Variants in USP54 observed in about 807,000 individuals in gnomAD.
USP54 encodes the protein ubiquitin carboxyl-terminal hydrolase 54.
Under a neutral mutation model 170.5 loss-of-function variants are expected in USP54, and 87 were observed. The ratio of observed to expected loss-of-function variants is 0.51; its 90% CI spans 0.43 to 0.61. The LOEUF (loss-of-function observed/expected upper bound fraction) is 0.61. USP54 is among the 20% of genes least tolerant of loss of function. The pLI, the probability that USP54 is intolerant of heterozygous loss-of-function variation, is 0.00. For synonymous variants in USP54, 655 were observed against 742.8 expected, an observed-to-expected ratio of 0.88 and a Z score of 1.92; for missense variants, 1,786 against 2,047.8, an observed-to-expected ratio of 0.87 and a Z score of 2.47.
At chr10:73,603,477 G>A (rs1459709188) in intron 1 of USP54, among the ~76,000 whole-genome samples, 1 of 152,152 alleles carries the variant, frequency 6.6e-6, no homozygotes, top group East Asian at 1.9e-4. Flanking sequence ...CACTTTGGGT[G>A]GCCAAGGCGG....
In USP54 at chr10:73,517,150, T is replaced by C. The variant is rs2061198407; in HGVS notation, c.3276A>G (p.Lys1092=). The change falls in exon 20 of 24, where the codon AAA becomes AAG. Residue 1092 remains lysine (K), a synonymous_variant. Coordinates refer to ENST00000687698, the MANE Select transcript of USP54 (RefSeq NM_001391956.1). ...FVLHCPDPVQ[K]TNQCLQGQSL... is the part of the protein sequence containing the mutation. The stretch of plus-strand genomic sequence containing the variant: ...TTTGGCCTTGGAGGCATTGGTTAGT[T>C]TTCTGCACAGGATCAGGACAGTGAA... 2 of 1,614,156 alleles carry C rather than the reference T, an allele frequency of 1.2e-6. No homozygotes were observed. Among genetic ancestry groups the C allele is most frequent in the East Asian group, 2.2e-5 (1 of 44,878 alleles).
At chr10:73,615,632 A>C (rs113786108) in intron 1 of USP54, among the ~76,000 whole-genome samples, 2 of 150,412 alleles carry the variant, frequency 1.3e-5, no homozygotes, top group African/African-American at 5.0e-5. Context: ...TATTTTTTTA[A>C]AAATAAAGCT....
At chr10:73,512,555 T>G (rs1264768523) in intron 20 of USP54, among the ~76,000 whole-genome samples, 1 of 152,132 alleles carries the variant, frequency 6.6e-6, no homozygotes, top group African/African-American at 2.4e-5. Context: ...TTGCCCAGGC[T>G]GGAGGAGAGT....
At chr10:73,541,882 T>C (rs150558705) in intron 7 of USP54, 144 bp from the exon 8 acceptor site, 7 of 707,632 alleles carry the variant, frequency 9.9e-6, no homozygotes, top group Non-Finnish European at 1.7e-5. Flanking sequence ...CAGTGTCCCA[T>C]AAACACAGTA....
At chr10:73,559,136 T>C (rs1359446461) in intron 4 of USP54, among the ~76,000 whole-genome samples, 1 of 152,160 alleles carries the variant, frequency 6.6e-6, no homozygotes, top group South Asian at 2.1e-4. Context: ...ACAAGAATTT[T>C]ACAACCAGGC....
intron 7 of USP54, among the ~76,000 whole-genome samples, 178 bp downstream of exon 7, chr10:73,542,625 G>C (rs1173248920): frequency 6.6e-6 from 1 of 152,086 alleles, no homozygotes; most frequent in Non-Finnish European, 1.5e-5. Flanking sequence ...CAGCTACTTG[G>C]GAGATGGAGG....
At position 73,500,826 on chromosome 10, in the gene USP54, C is replaced by G. The variant is rs184258285; in HGVS notation, c.4324G>C (p.Val1442Leu). 1.3e-6 allele frequency: 2 copies of G among 1,598,560 alleles called. No homozygotes were observed. Among genetic ancestry groups the G allele is most frequent in the African/African-American group, 1.4e-5 (1 of 73,578 alleles). The stretch of plus-strand genomic sequence containing the variant: ...TGCCCGGTTTCCAAAGGCTTCCTCA[C>G]GTTTGATGAATCCTTATAATGAGAC... ...VSSHSFDSSN[V>L]RKPLETGHRC... The change falls in exon 23 of 24, where the codon GTG (valine) becomes CTG (leucine). Residue 1442 changes from valine (V) to leucine (L), a missense_variant. Coordinates refer to ENST00000687698, the MANE Select transcript of USP54 (RefSeq NM_001391956.1).
At chr10:73,579,549 G>C (rs1039071190) in intron 1 of USP54, among the ~76,000 whole-genome samples, 1 of 151,978 alleles carries the variant, frequency 6.6e-6, no homozygotes, top group Admixed American at 6.6e-5. Flanking sequence ...GAGGTCAGGA[G>C]TTCAAAACCA....
intron 7 of USP54, among the ~76,000 whole-genome samples, 186 bp downstream of exon 7, chr10:73,542,617 G>A (rs965912345): frequency 1.3e-5 from 2 of 152,024 alleles, no homozygotes; most frequent in Non-Finnish European, 2.9e-5. Flanking sequence ...GGAAGTCTCA[G>A]CTACTTGGGA....
intron 1 of USP54, among the ~76,000 whole-genome samples, chr10:73,580,375 C>A (rs1298387729): frequency 6.6e-6 from 1 of 150,394 alleles, no homozygotes; most frequent in African/African-American, 2.4e-5. Flanking sequence ...ACACACTTGG[C>A]AGTTACTTCT....
intron 12 of USP54, among the ~76,000 whole-genome samples, chr10:73,531,288 C>CAA (rs767034881): frequency 1.9e-4 from 19 of 97,628 alleles, no homozygotes; most frequent in African/African-American, 5.7e-4. Context: ...AAGACTGTCT[C>CAA]AAAAAAAAAA....
intron 1 of USP54, among the ~76,000 whole-genome samples, chr10:73,610,449 C>A (rs2080050276): frequency 6.6e-6 from 1 of 151,986 alleles, no homozygotes; most frequent in Non-Finnish European, 1.5e-5. Flanking sequence ...TGGTGAAACC[C>A]CAACTCTACT....
At chr10:73,610,743 G>C (rs1213952941) in intron 1 of USP54, among the ~76,000 whole-genome samples, 1 of 152,012 alleles carries the variant, frequency 6.6e-6, no homozygotes, top group African/African-American at 2.4e-5. Flanking sequence ...AATGTATTTT[G>C]CAAGAATACA....
chr10:73,545,704 T>C, intron 4 of USP54, 32 bp from the exon 5 acceptor site: 1 of 1,606,900 alleles, frequency 6.2e-7, no homozygotes, highest in South Asian at 1.1e-5. Context: ...AGAGAAAAAG[T>C]ACAATGCTGT....
At position 73,517,429 on chromosome 10, in the gene USP54, C is replaced by A; in HGVS notation, c.2997G>T (p.Leu999=). The A allele has an allele frequency of 6.2e-7, 1 of 1,614,178 alleles. No individual in the cohort carries two copies. Among genetic ancestry groups the A allele is most frequent in the Non-Finnish European group, 8.5e-7 (1 of 1,180,024 alleles). ...TGCTGTTGTCACACCTAGAGCCTTGCAGCTTACCCTCTGGGGCATCCAATG... is the reference window on the plus strand; with the variant it reads ...TGCTGTTGTCACACCTAGAGCCTTGAAGCTTACCCTCTGGGGCATCCAATG... The part of the protein sequence containing the change: ...WEPLDAPEGK[L]QGSRCDNSSC... The change falls in exon 20 of 24, where the codon CTG becomes CTT. Residue 999 remains leucine, a synonymous_variant. Transcript: ENST00000687698.
At chr10:73,505,193 T>G (rs2058889620) in intron 21 of USP54, 115 bp downstream of exon 21, 1 of 1,254,742 alleles carries the variant, frequency 8.0e-7, no homozygotes, top group African/African-American at 1.5e-5. Context: ...TATTTTCTTC[T>G]GATAGCCCCA....
In USP54 at chr10:73,618,464, C is replaced by G. The variant is rs557452997; in HGVS notation, c.-18+7103G>C. Among the ~76,000 whole-genome samples the G allele has an allele frequency of 8.3e-4, 125 of 150,292 alleles. 12 individuals are homozygous for G. The highest frequency in any genetic ancestry group is 2.8e-3 in the African/African-American group (113 of 39,802). ...TTTTTGGTAAAAAATTAGCTGGGGC[C>G]GGGCACAGGGGCTCACGCCTGTAAT... On this transcript the variant is annotated intron_variant, in intron 1 of 22. Coordinates refer to the USP54 transcript ENST00000339859.
chr10:73,519,903 C>T lies in USP54; in HGVS notation c.2572G>A (p.Ala858Thr), dbSNP rs1355642031. The change falls in exon 19 of 24, where the codon GCA becomes ACA. Residue 858 changes from alanine to threonine, a missense_variant. By Grantham distance (58) the Ala-to-Thr change is moderately conservative. This residue lies in a region of USP54 where 1,418 missense variants were observed against 1,569.0 expected (regional missense o/e 0.90). Transcript: ENST00000687698. ...DKKLQISIRK[A>T]RSLQDRMQQQ... ...TGCATGCGATCCTGCAGGCTCCGTG[C>T]TTTTCGAATACTGATTTGCAACTTC... 1 of 1,613,988 alleles carries T rather than the reference C, an allele frequency of 6.2e-7. No individual in the cohort carries two copies. Among genetic ancestry groups the T allele is most frequent in the African/African-American group, 1.3e-5 (1 of 74,926 alleles).
At chr10:73,605,590 C>G (rs1003143561) in intron 1 of USP54, among the ~76,000 whole-genome samples, 2 of 152,118 alleles carry the variant, frequency 1.3e-5, no homozygotes, top group African/African-American at 4.8e-5. Flanking sequence ...CAATAGACAA[C>G]AGGTAGGAGC....
Sources: allele counts gnomAD v4.1 joint callset (sites outside exome capture counted in the v4.1 genomes callset), GRCh38; gene constraint gnomAD v4.1.1; regional missense constraint gnomAD v4.1.1; transcripts MANE v1.5; gene names NCBI Gene and HGNC (gene_info 2026-07-23, HGNC 2026-07-21).